Variants in PPP1R36 observed in about 807,000 individuals in gnomAD.
The protein encoded by PPP1R36 is chromosome 14 open reading frame 50.
Under a neutral mutation model 53.4 loss-of-function variants are expected in PPP1R36, and 47 were observed. The observed-to-expected ratio is 0.88, with a 90% CI of 0.70 to 1.12. PPP1R36 has a LOEUF of 1.12. Ranked by LOEUF, PPP1R36 falls within the 50% of genes most tolerant of loss-of-function variation. The pLI is 0.00. For missense variants in PPP1R36, 456 were observed against 513.9 expected, an observed-to-expected ratio of 0.89 and a Z score of 1.09; for synonymous variants, 153 against 170.5, an observed-to-expected ratio of 0.90 and a Z score of 0.80.
chr14:64,560,103 C>CAAAAAAAAAAAAAAAAAA, intron 3 of PPP1R36, among the ~76,000 whole-genome samples: 1 of 27,478 alleles, frequency 3.6e-5, no homozygotes, highest in Non-Finnish European at 7.3e-5. Context: ...GAATCTGTCA[C>CAAAAAAAAAAAAAAAAAA]AAAAAAAAAA....
chr14:64,588,534 G>T, intron 11 of PPP1R36: 2 of 316,184 alleles, frequency 6.3e-6, no homozygotes, highest in Non-Finnish European at 5.7e-6. Flanking sequence ...AATAGTTCTA[G>T]TTTGGAGGAG....
chr14:64,568,447 TGTAA>T lies in PPP1R36; in HGVS notation c.533+6_533+9del, dbSNP rs776064415. 3 of 1,427,794 alleles carry T rather than the reference TGTAA, an allele frequency of 2.1e-6. No individual in the cohort carries two copies. In the South Asian group the frequency reaches 3.8e-5, roughly 18 times the overall value. 88.4% of individuals were successfully genotyped at this position (1,427,794 alleles called of 1,614,324 possible). ...GAAAAGAAACCCAAAAGCTATATGG[TGTAA>T]GTAAGATTTTATAGTGTGCTTTAGA... On this transcript the variant is annotated splice_donor_variant and splice_donor_region_variant and intron_variant, in intron 7 of 11. Coordinates refer to ENST00000298705, the MANE Select transcript of PPP1R36 (RefSeq NM_172365.3). LOFTEE classifies it high-confidence loss of function.
In PPP1R36 at chr14:64,568,451, A is replaced by G; in HGVS notation, c.533+4A>G. 4 of 1,404,550 alleles carry G rather than the reference A, an allele frequency of 2.8e-6. No homozygotes were observed. The highest frequency in any genetic ancestry group is 3.9e-6 in the Non-Finnish European group (4 of 1,017,358). 87.0% of individuals were successfully genotyped at this position (1,404,550 alleles called of 1,614,324 possible). On this transcript the variant is annotated splice_donor_region_variant and intron_variant, in intron 7 of 11. Coordinates refer to ENST00000298705, the MANE Select transcript of PPP1R36 (RefSeq NM_172365.3). Reference sequence around the variant, plus strand: ...AGAAACCCAAAAGCTATATGGTGTAAGTAAGATTTTATAGTGTGCTTTAGA... The same window carrying G: ...AGAAACCCAAAAGCTATATGGTGTAGGTAAGATTTTATAGTGTGCTTTAGA...
Position 64,565,366 on chromosome 14 carries a change from TAA to T in PPP1R36, c.282_283del (p.Arg95ThrfsTer6), listed in dbSNP as rs2080241337. 3 of 1,611,684 alleles carry T rather than the reference TAA, an allele frequency of 1.9e-6. No individual in the cohort carries two copies. The highest frequency in any genetic ancestry group is 1.7e-5 in the Admixed American group (1 of 59,952). ...DGPASDRLTD[K>X]RLAAKDDKSA... ...TTATATTCCAAAACAGGTTGACAGA[TAA>T]AAGACTTGCTGCAAAAGATGATAAG... On this transcript the variant is annotated frameshift_variant, in exon 5 of 12. Transcript: ENST00000298705. LOFTEE classifies it high-confidence loss of function.
At chr14:64,587,394 A>G (rs773200903) in intron 10 of PPP1R36, 22 bp downstream of exon 10, 84 of 1,377,040 alleles carry the variant, frequency 6.1e-5, no homozygotes, top group Non-Finnish European at 7.6e-5. Flanking sequence ...TGACTTTCCT[A>G]TGCTCAGGGG....
intron 8 of PPP1R36, among the ~76,000 whole-genome samples, chr14:64,577,677 A>G (rs1187788860): frequency 6.9e-6 from 1 of 144,722 alleles, no homozygotes; most frequent in African/African-American, 2.6e-5. Flanking sequence ...CTGATAACAT[A>G]TCCAACATCA....
rs200874933 is a variant in PPP1R36, at chr14:64,579,980, A to AC, written c.668+5391_668+5392insC. ...GCGAGACTCCGTCTCAAAAAACAAA[A>AC]AAAACAAAACAAAAACATGCTCTTA... On this transcript the variant is annotated intron_variant, in intron 8 of 11. Transcript: ENST00000298705. Among the ~76,000 whole-genome samples, 1,326 of 150,876 alleles carry AC rather than the reference A, an allele frequency of 8.8e-3. 21 individuals carry two copies. Among genetic ancestry groups the AC allele is most frequent in the African/African-American group, 0.031 (1,259 of 40,908 alleles).
chr14:64,557,225 TA>T (rs1397378603), intron 3 of PPP1R36, among the ~76,000 whole-genome samples: 1 of 152,160 alleles, frequency 6.6e-6, no homozygotes, highest in African/African-American at 2.4e-5. Context: ...CATCAAGAAG[TA>T]CCAAATTAAA....
chr14:64,559,249 T>C (rs2140222117), intron 3 of PPP1R36: 1 of 152,250 alleles, frequency 6.6e-6, no homozygotes, highest in Non-Finnish European at 1.5e-5. Flanking sequence ...CTGCCCTGCT[T>C]ACTGAAAAGA....
chr14:64,555,328 A>G (rs2080139988), intron 3 of PPP1R36, among the ~76,000 whole-genome samples: 1 of 152,252 alleles, frequency 6.6e-6, no homozygotes, highest in Non-Finnish European at 1.5e-5. Flanking sequence ...ATCGTTCTCG[A>G]ACAGTTGTTA....
At chr14:64,562,327 G>T (rs535812435) in intron 3 of PPP1R36, among the ~76,000 whole-genome samples, 18 of 152,218 alleles carry the variant, frequency 1.2e-4, no homozygotes, top group African/African-American at 3.4e-4. Context: ...AGGATGTGGT[G>T]GCAGGCACCT....
chr14:64,571,565 T>C (rs117289578), intron 7 of PPP1R36, among the ~76,000 whole-genome samples: 6,423 of 152,308 alleles, frequency 0.042, 205 homozygotes, highest in Non-Finnish European at 0.06. Flanking sequence ...CAGTATATTA[T>C]AGTGGTTAAG....
At position 64,550,985 on chromosome 14, in the gene PPP1R36, G is replaced by T; in HGVS notation, c.134G>T (p.Arg45Met). Residue 45 changes from arginine to methionine, a missense_variant and splice_region_variant, in exon 2 of 12, where the codon AGG becomes ATG. Arg to Met is a moderately conservative substitution (Grantham distance 91, BLOSUM62 -1). Coordinates refer to ENST00000298705, the MANE Select transcript of PPP1R36 (RefSeq NM_172365.3). ...KDETRTLEFR[R>M]FAAEDSVQWL... Reference sequence around the variant, plus strand: ...GAAACCAGAACTCTTGAATTCAGAAGGTAAAATTTAACAACACTTTATTAG... The same window carrying T: ...GAAACCAGAACTCTTGAATTCAGAATGTAAAATTTAACAACACTTTATTAG... 6.3e-7 allele frequency: 1 copy of T among 1,595,014 alleles called. No individual in the cohort carries two copies. The highest frequency in any genetic ancestry group is 8.6e-7 in the Non-Finnish European group (1 of 1,166,444).
At chr14:64,574,637 C>G in intron 8 of PPP1R36, 48 bp downstream of exon 8, 1 of 1,558,224 alleles carries the variant, frequency 6.4e-7, no homozygotes, top group Non-Finnish European at 8.7e-7. Flanking sequence ...ATCATAGACT[C>G]ACATCCTTAA....
chr14:64,587,166 C>A (rs750218745), intron 9 of PPP1R36, 28 bp from the exon 10 acceptor site: 4 of 1,557,666 alleles, frequency 2.6e-6, no homozygotes, highest in Non-Finnish European at 3.5e-6. Context: ...AGCTAAGGAT[C>A]GTGATTCTTG....
intron 7 of PPP1R36, among the ~76,000 whole-genome samples, chr14:64,570,280 G>T (rs913133780): frequency 2.0e-5 from 3 of 151,898 alleles, no homozygotes; most frequent in Admixed American, 6.6e-5. Context: ...TCAGGAGTTC[G>T]AGACCAGCCT....
intron 9 of PPP1R36, 30 bp downstream of exon 9, chr14:64,586,909 A>G: frequency 6.4e-7 from 1 of 1,557,396 alleles, no homozygotes; most frequent in Non-Finnish European, 8.8e-7. Context: ...GTGCTTTTTG[A>G]TATGAAACAA....
At chr14:64,550,682 G>A (rs1033738995) in intron 1 of PPP1R36, among the ~76,000 whole-genome samples, 7 of 151,810 alleles carry the variant, frequency 4.6e-5, no homozygotes, top group Non-Finnish European at 7.4e-5. Context: ...CCGTTCTACT[G>A]AAGCCACACC....
chr14:64,581,215 C>A (rs904692125), intron 8 of PPP1R36, among the ~76,000 whole-genome samples: 5 of 152,118 alleles, frequency 3.3e-5, no homozygotes, highest in African/African-American at 1.2e-4. Flanking sequence ...AAGCAGATTC[C>A]AAGATTTTCT....
Sources: allele counts gnomAD v4.1 joint callset (sites outside exome capture counted in the v4.1 genomes callset), GRCh38; gene constraint gnomAD v4.1.1; transcripts MANE v1.5; gene names NCBI Gene and HGNC (gene_info 2026-07-23, HGNC 2026-07-21).